LIPA: variants seen among roughly 807,000 people sequenced by gnomAD.
The protein encoded by LIPA is lipase A, lysosomal acid type, also known as lysosomal acid lipase/cholesteryl ester hydrolase.
In LIPA, 26 loss-of-function variants were observed where a neutral mutation model predicts 40.6. That is an observed-to-expected ratio of 0.64 (90% CI 0.47 to 0.89). The LOEUF (loss-of-function observed/expected upper bound fraction) is 0.89. LIPA is among the 40% of genes least tolerant of loss of function. LIPA has a pLI of 0.00. For missense variants in LIPA, 455 were observed against 479.6 expected (o/e 0.95, Z 0.48); for synonymous variants, 188 against 168.4 (o/e 1.12, Z -0.90).
intron 1 of LIPA, among the ~76,000 whole-genome samples, chr10:89,327,608 G>C (rs550646621): frequency 6.6e-6 from 1 of 152,158 alleles, no homozygotes; most frequent in East Asian, 1.9e-4. Flanking sequence ...ATTCCAAAAG[G>C]AAAAAGGATG....
At chr10:89,271,542 G>C (rs1363589613) in intron 1 of LIPA, among the ~76,000 whole-genome samples, 1 of 152,222 alleles carries the variant, frequency 6.6e-6, no homozygotes, top group Non-Finnish European at 1.5e-5. Flanking sequence ...ACCACACAGT[G>C]AGGGTAAGGA....
chr10:89,398,417 C>T (rs1328679583), intron 2 of LIPA, among the ~76,000 whole-genome samples: 1 of 152,228 alleles, frequency 6.6e-6, no homozygotes, highest in Non-Finnish European at 1.5e-5. Flanking sequence ...AAGTAAGCAG[C>T]TCCAGCTTCT....
At chr10:89,215,220 G>A (rs891456786) in intron 9 of LIPA, among the ~76,000 whole-genome samples, 159 bp from the exon 10 acceptor site, 6 of 151,994 alleles carry the variant, frequency 3.9e-5, no homozygotes, top group African/African-American at 1.5e-4. Flanking sequence ...TGCCATTACC[G>A]GCACAAAAAA....
intron 2 of LIPA, among the ~76,000 whole-genome samples, chr10:89,401,063 T>A (rs994013610): frequency 6.6e-6 from 1 of 152,142 alleles, no homozygotes; most frequent in Non-Finnish European, 1.5e-5. Context: ...TATATTACAT[T>A]GATTAATTTT....
At chr10:89,384,058 T>C (rs748168634) in intron 2 of LIPA, 1 of 1,614,208 alleles carries the variant, frequency 6.2e-7, no homozygotes. Context: ...CAGTATATCT[T>C]CACAGGCCTA....
intron 2 of LIPA, 79 bp from the exon 3 acceptor site, chr10:89,245,872 TA>T (rs1843017900): frequency 1.2e-6 from 1 of 807,848 alleles, no homozygotes. Context: ...AAGGAGCAGA[TA>T]AACTATGTTC....
chr10:89,225,309 A>ACGCCCT, intron 5 of LIPA, 81 bp from the exon 6 acceptor site: 1 of 1,567,462 alleles, frequency 6.4e-7, no homozygotes, highest in Non-Finnish European at 8.8e-7. Flanking sequence ...GTCACTCGCG[A>ACGCCCT]CGCCCTCTCG....
At chr10:89,378,231 T>C (rs1844136944) in intron 2 of LIPA, 3 of 1,312,988 alleles carry the variant, frequency 2.3e-6, no homozygotes, top group Non-Finnish European at 1.1e-6. Flanking sequence ...ACAGGCCTTC[T>C]CCTAAGGGAG....
At chr10:89,368,428 A>C (rs752184021) in intron 2 of LIPA, among the ~76,000 whole-genome samples, 4 of 152,200 alleles carry the variant, frequency 2.6e-5, no homozygotes, top group Non-Finnish European at 5.9e-5. Flanking sequence ...AGCTGTCTCA[A>C]GCATTCCAAA....
At chr10:89,376,797 T>G (rs1188178534) in intron 2 of LIPA, among the ~76,000 whole-genome samples, 2 of 152,184 alleles carry the variant, frequency 1.3e-5, no homozygotes, top group Admixed American at 1.3e-4. Flanking sequence ...AATTATAGAA[T>G]CATTTCTGCT....
chr10:89,264,515 G>A (rs1802252167), intron 1 of LIPA, among the ~76,000 whole-genome samples: 1 of 152,032 alleles, frequency 6.6e-6, no homozygotes, highest in African/African-American at 2.4e-5. Flanking sequence ...AATCCCAAGT[G>A]TGCAGCCCTC....
chr10:89,246,888 A>T (rs1047326827), intron 2 of LIPA, among the ~76,000 whole-genome samples: 1 of 152,150 alleles, frequency 6.6e-6, no homozygotes, highest in East Asian at 1.9e-4. Context: ...CCAGCTCTCA[A>T]TAGCGGTAAT....
At chr10:89,413,478 C>G (rs115132391) in intron 1 of LIPA, among the ~76,000 whole-genome samples, 1 of 152,156 alleles carries the variant, frequency 6.6e-6, no homozygotes, top group African/African-American at 2.4e-5. Context: ...AGCATAGTGG[C>G]TCATGCCTGT....
chr10:89,376,388 A>G (rs1844121902), intron 2 of LIPA, among the ~76,000 whole-genome samples: 1 of 152,102 alleles, frequency 6.6e-6, no homozygotes, highest in Non-Finnish European at 1.5e-5. Flanking sequence ...TTCTTTTCCT[A>G]AGATGTCTGC....
chr10:89,306,506 C>T (rs200967480), intron 1 of LIPA: 9 of 1,613,918 alleles, frequency 5.6e-6, no homozygotes, highest in African/African-American at 2.7e-5. Context: ...AGCAAGCTAC[C>T]GTCTGGACAA....
At chr10:89,311,201 C>T (rs1431163892) in intron 1 of LIPA, among the ~76,000 whole-genome samples, 1 of 152,054 alleles carries the variant, frequency 6.6e-6, no homozygotes, top group Non-Finnish European at 1.5e-5. Context: ...ATGAAACTTA[C>T]TAATTTGTCA....
In LIPA at chr10:89,214,505, G is replaced by A. The variant is rs922757165; in HGVS notation, c.*323C>T. 55 of 249,288 alleles carry A rather than the reference G, an allele frequency of 2.2e-4. No individual in the cohort carries two copies. Among genetic ancestry groups the A allele is most frequent in the African/African-American group, 1.2e-3 (52 of 43,344 alleles). The allele number at this position is 249,288 out of a possible 1,614,324, so 15.4% of individuals were successfully genotyped here. On this transcript the variant is annotated 3_prime_UTR_variant, in exon 10 of 10. Transcript: ENST00000336233. ...CATATATTACTTTGTCCTATGAAGG[G>A]CAAAAAGTCAATATATTTTAAATTT...
chr10:89,354,272 G>T (rs1843977564), intron 2 of LIPA, among the ~76,000 whole-genome samples: 1 of 152,176 alleles, frequency 6.6e-6, no homozygotes, highest in Admixed American at 6.5e-5. Flanking sequence ...ACTTTGAGTT[G>T]TGCCACCTTT....
chr10:89,377,541 AG>A (rs1466083746), intron 2 of LIPA, among the ~76,000 whole-genome samples: 1 of 152,232 alleles, frequency 6.6e-6, no homozygotes, highest in Non-Finnish European at 1.5e-5. Flanking sequence ...CTCAAAATTG[AG>A]GAGTTGTTTT....
Sources: allele counts gnomAD v4.1 joint callset (sites outside exome capture counted in the v4.1 genomes callset), GRCh38; gene constraint gnomAD v4.1.1; transcripts MANE v1.5; gene names NCBI Gene and HGNC (gene_info 2026-07-23, HGNC 2026-07-21).